MAML2: variants seen among roughly 807,000 people sequenced by gnomAD.
MAML2 encodes the protein mastermind like transcriptional coactivator 2, also known as mastermind-like protein 2.
MAML2 carries 22 observed loss-of-function variants against 96.1 expected under a neutral mutation model. The ratio of observed to expected loss-of-function variants is 0.23; its 90% CI spans 0.16 to 0.33. The LOEUF is 0.33. Among genes scored for constraint, MAML2 ranks in the 10% least tolerant of loss-of-function variants. The pLI is 1.00. For missense variants in MAML2, 1,367 were observed against 1,392.4 expected, an observed-to-expected ratio of 0.98 and a Z score of 0.29; for synonymous variants, 561 against 521.3, an observed-to-expected ratio of 1.08 and a Z score of -1.04.
At chr11:96,119,580 T>G (rs1860300453) in intron 1 of MAML2, among the ~76,000 whole-genome samples, 1 of 152,220 alleles carries the variant, frequency 6.6e-6, no homozygotes, top group African/African-American at 2.4e-5. Context: ...TAATTTGTTA[T>G]GGCAACAATA....
intron 2 of MAML2, among the ~76,000 whole-genome samples, chr11:96,002,338 G>C (rs2135718668): frequency 6.6e-6 from 1 of 152,340 alleles, no homozygotes; most frequent in Admixed American, 6.5e-5. Flanking sequence ...GAAAATGTTG[G>C]CTCTTTCCAA....
chr11:96,064,924 T>C (rs1288295769), intron 2 of MAML2, among the ~76,000 whole-genome samples: 1 of 152,234 alleles, frequency 6.6e-6, no homozygotes, highest in African/African-American at 2.4e-5. Flanking sequence ...ATCATTGTCA[T>C]TTTGCTTGAA....
intron 2 of MAML2, among the ~76,000 whole-genome samples, chr11:95,997,436 C>T (rs1183006164): frequency 6.6e-6 from 1 of 152,084 alleles, no homozygotes; most frequent in East Asian, 1.9e-4. Flanking sequence ...ACTGCCAGAC[C>T]AATGAAAACA....
At chr11:96,221,013 C>G (rs761322974) in intron 1 of MAML2, among the ~76,000 whole-genome samples, 1 of 152,132 alleles carries the variant, frequency 6.6e-6, no homozygotes, top group Non-Finnish European at 1.5e-5. Flanking sequence ...GTTGAACCAA[C>G]TAATGAGAAA....
chr11:95,983,008 T>C (rs1305290647), intron 4 of MAML2, among the ~76,000 whole-genome samples: 2 of 152,322 alleles, frequency 1.3e-5, no homozygotes, highest in African/African-American at 2.4e-5. Flanking sequence ...GTTTTTACTA[T>C]GCTTTCAATA....
intron 2 of MAML2, among the ~76,000 whole-genome samples, chr11:96,039,936 C>G (rs1245685109): frequency 7.1e-6 from 1 of 141,028 alleles, no homozygotes; most frequent in African/African-American, 2.7e-5. Context: ...CCAGCCTGAG[C>G]GACAGTGACA....
At chr11:96,032,443 C>T (rs952748197) in intron 2 of MAML2, among the ~76,000 whole-genome samples, 4 of 151,788 alleles carry the variant, frequency 2.6e-5, no homozygotes, top group South Asian at 2.1e-4. Flanking sequence ...AAAAATTAGC[C>T]GGGCGTGATG....
intron 1 of MAML2, among the ~76,000 whole-genome samples, chr11:96,096,818 A>G (rs1407827275): frequency 6.6e-6 from 1 of 152,182 alleles, no homozygotes; most frequent in African/African-American, 2.4e-5. Context: ...TCCAGGCACT[A>G]TGTGTGGTGG....
intron 2 of MAML2, among the ~76,000 whole-genome samples, chr11:96,077,046 T>A (rs554946503): frequency 6.6e-6 from 1 of 152,250 alleles, no homozygotes; most frequent in African/African-American, 2.4e-5. Context: ...TTTGTGAGAA[T>A]GACTGACTTC....
In MAML2 at chr11:96,312,227, A is replaced by AAAAAAAAAAAG. The variant is rs1251945278; in HGVS notation, c.513+29155_513+29156insCTTTTTTTTTT. Among the ~76,000 whole-genome samples the AAAAAAAAAAAG allele has an allele frequency of 9.2e-4, 138 of 149,408 alleles. 2 individuals are homozygous for AAAAAAAAAAAG. Among genetic ancestry groups the AAAAAAAAAAAG allele is most frequent in the Non-Finnish European group, 1.7e-3 (114 of 67,170 alleles). On this transcript the variant is annotated intron_variant, in intron 1 of 4. Coordinates refer to ENST00000524717, the MANE Select transcript of MAML2 (RefSeq NM_032427.4). ...AGAGCAAGACTCTATCTCAAAAAAA[A>AAAAAAAAAAAG]AAAAAAAAAAAAAAAAAGAATGAGC... is the stretch of plus-strand genomic sequence containing the variant.
At chr11:96,182,439 C>T (rs1861501542) in intron 1 of MAML2, among the ~76,000 whole-genome samples, 1 of 152,108 alleles carries the variant, frequency 6.6e-6, no homozygotes, top group Admixed American at 6.6e-5. Flanking sequence ...AAATTGACCT[C>T]TCATCTGATT....
intron 1 of MAML2, among the ~76,000 whole-genome samples, chr11:96,199,146 A>C (rs1192509718): frequency 7.0e-6 from 1 of 143,662 alleles, no homozygotes; most frequent in Non-Finnish European, 1.5e-5. Flanking sequence ...GCAGTGGGCC[A>C]AAATGGCGCC....
chr11:95,978,966 G>A lies in MAML2; in HGVS notation c.3453C>T (p.Ile1151=). 1 of 1,608,162 alleles carries A rather than the reference G, an allele frequency of 6.2e-7. No individual in the cohort carries two copies. ...DWMKDINLDE[I]LGNNS ...TTCTTCTTTAGGAATTGTTCCCCAAGATTTCATCAAGATTGATGTCTTTCA... is the reference window on the plus strand; with the variant it reads ...TTCTTCTTTAGGAATTGTTCCCCAAAATTTCATCAAGATTGATGTCTTTCA... Residue 1151 remains isoleucine, a synonymous_variant, in exon 5 of 5, where the codon ATC becomes ATT. Coordinates refer to ENST00000524717, the MANE Select transcript of MAML2 (RefSeq NM_032427.4).
At chr11:96,310,378 C>T (rs1344355628) in intron 1 of MAML2, among the ~76,000 whole-genome samples, 2 of 152,034 alleles carry the variant, frequency 1.3e-5, no homozygotes, top group Non-Finnish European at 2.9e-5. Context: ...ACATTATTAC[C>T]TTGGGGATGA....
intron 1 of MAML2, among the ~76,000 whole-genome samples, chr11:96,307,193 C>T (rs577886169): frequency 2.4e-4 from 36 of 152,312 alleles, no homozygotes; most frequent in African/African-American, 8.7e-4. Context: ...CTCCCGCTTT[C>T]CTTTTCTAAC....
At chr11:96,300,132 C>T (rs1320681753) in intron 1 of MAML2, among the ~76,000 whole-genome samples, 1 of 151,820 alleles carries the variant, frequency 6.6e-6, no homozygotes, top group Admixed American at 6.6e-5. Context: ...AGTTTGAGCT[C>T]TCATAGGTAG....
intron 2 of MAML2, among the ~76,000 whole-genome samples, chr11:96,033,045 A>C (rs1858644591): frequency 6.6e-6 from 1 of 152,260 alleles, no homozygotes; most frequent in Non-Finnish European, 1.5e-5. Context: ...CTTAATTTTT[A>C]AAACAGGGAG....
At chr11:96,144,162 A>T (rs1860777980) in intron 1 of MAML2, among the ~76,000 whole-genome samples, 1 of 152,204 alleles carries the variant, frequency 6.6e-6, no homozygotes, top group South Asian at 2.1e-4. Flanking sequence ...TCTGCAGCCT[A>T]ACTGATAAGA....
chr11:96,046,262 A>C lies in MAML2; in HGVS notation c.2139+45630T>G, dbSNP rs191865781. ...CAGGCTCGAGCCAAGAGACGTGATG[A>C]ATTGCAAGAATGTGTTGTGTTCATA... On this transcript the variant is annotated intron_variant, in intron 2 of 4. Coordinates refer to ENST00000524717, the MANE Select transcript of MAML2 (RefSeq NM_032427.4). Among the ~76,000 whole-genome samples the C allele has an allele frequency of 4.6e-5, 7 of 152,182 alleles. 1 individual carries two copies. The East Asian group carries it at 1.4e-3, about 29-fold the overall frequency.
Sources: gnomAD v4.1 joint callset for allele counts (sites outside exome capture counted in the v4.1 genomes callset) on GRCh38, gnomAD v4.1.1 for gene constraint, MANE v1.5 for transcripts, NCBI Gene and HGNC (gene_info 2026-07-23, HGNC 2026-07-21) for gene names.